PAK1: variants seen among roughly 807,000 people sequenced by gnomAD.
PAK1 encodes serine/threonine-protein kinase PAK 1.
In PAK1, 29 loss-of-function variants were observed where a neutral mutation model predicts 67.4. The observed-to-expected ratio is 0.43, with a 90% CI of 0.32 to 0.59. The LOEUF (loss-of-function observed/expected upper bound fraction) is 0.59, where lower values mean the gene tolerates loss of function less well. Among genes scored for constraint, PAK1 ranks in the 20% least tolerant of loss-of-function variants. PAK1 has a pLI of 0.07. For synonymous variants in PAK1, 223 were observed against 237.4 expected, an observed-to-expected ratio of 0.94 and a Z score of 0.56; for missense variants, 337 against 670.7, an observed-to-expected ratio of 0.50 and a Z score of 5.50.
intron 1 of PAK1, among the ~76,000 whole-genome samples, chr11:77,418,618 T>G (rs1374586728): frequency 6.6e-6 from 1 of 152,232 alleles, no homozygotes; most frequent in African/African-American, 2.4e-5. Flanking sequence ...AGAACTTCAT[T>G]GTCTTCCTCT....
intron 14 of PAK1, among the ~76,000 whole-genome samples, chr11:77,324,172 C>CATTT: frequency 7.8e-6 from 1 of 127,462 alleles, no homozygotes; most frequent in East Asian, 2.3e-4. Context: ...AAAGCAATTC[C>CATTT]TTTTTTTTTT....
intron 1 of PAK1, among the ~76,000 whole-genome samples, chr11:77,461,568 G>C (rs1350413384): frequency 6.6e-6 from 1 of 152,134 alleles, no homozygotes; most frequent in South Asian, 2.1e-4. Flanking sequence ...GAAGACTAAA[G>C]AGTAACATGC....
chr11:77,335,289 A>G (rs140991168), intron 13 of PAK1, among the ~76,000 whole-genome samples: 367 of 152,268 alleles, frequency 2.4e-3, no homozygotes, highest in African/African-American at 8.4e-3. Flanking sequence ...TATAGTCCTG[A>G]CTTCTCACCC....
chr11:77,486,479 A>G, the PAK1 span, among the ~76,000 whole-genome samples: 5 of 152,228 alleles, frequency 3.3e-5, no homozygotes, highest in Non-Finnish European at 7.3e-5. Flanking sequence ...ACCAAAAATC[A>G]GGTGAGTAAT....
In PAK1 at chr11:77,354,289, G is replaced by C. The variant is rs547779671; in HGVS notation, c.773-690C>G. Reference sequence around the variant, plus strand: ...GGTCACACAGCAAATTGGTGTCAGAGCTAAGATTAGGAGTTTCATTTTTAG... The same window carrying C: ...GGTCACACAGCAAATTGGTGTCAGACCTAAGATTAGGAGTTTCATTTTTAG... On this transcript the variant is annotated intron_variant, in intron 7 of 14. Coordinates refer to ENST00000356341, the MANE Select transcript of PAK1 (RefSeq NM_002576.5). Among the ~76,000 whole-genome samples, 3 of 152,264 alleles carry C rather than the reference G, an allele frequency of 2.0e-5. No homozygotes were observed. In the South Asian group the frequency reaches 6.2e-4, roughly 32 times the overall value.
chr11:77,419,921 T>C (rs192872311), intron 1 of PAK1, among the ~76,000 whole-genome samples: 2 of 152,178 alleles, frequency 1.3e-5, no homozygotes, highest in Admixed American at 1.3e-4. Context: ...TAAATAATAA[T>C]AGTAGCTTAC....
chr11:77,468,064 G>T (rs1331599828), intron 1 of PAK1, among the ~76,000 whole-genome samples: 1 of 152,140 alleles, frequency 6.6e-6, no homozygotes, highest in East Asian at 1.9e-4. Context: ...AGATTCAAAA[G>T]GCAGATTCTA....
chr11:77,405,906 AT>A (rs1442549581), intron 1 of PAK1, among the ~76,000 whole-genome samples: 1 of 152,134 alleles, frequency 6.6e-6, no homozygotes, highest in African/African-American at 2.4e-5. Flanking sequence ...GCCAAATCAA[AT>A]CCTTATTTTT....
In PAK1 at chr11:77,332,676, G is replaced by A. The variant is rs1039454013; in HGVS notation, c.1551+54C>T. Reference sequence around the variant, plus strand: ...TACCTTACAAACATGAAGTAAAAAAGGCCTGGTTTAGTGATTCCCTGAATT... The same window carrying A: ...TACCTTACAAACATGAAGTAAAAAAAGCCTGGTTTAGTGATTCCCTGAATT... On this transcript the variant is annotated intron_variant, in intron 14 of 14. Transcript: ENST00000356341. 1.0e-5 allele frequency: 15 copies of A among 1,485,556 alleles called. No individual in the cohort carries two copies. The African/African-American group carries it at 1.8e-4, about 18-fold the overall frequency. The allele number at this position is 1,485,556 out of a possible 1,614,324, so 92.0% of individuals were successfully genotyped here.
intron 1 of PAK1, among the ~76,000 whole-genome samples, chr11:77,393,025 T>C (rs539288808): frequency 1.3e-5 from 2 of 152,260 alleles, no homozygotes; most frequent in African/African-American, 4.8e-5. Flanking sequence ...ATGGACTGTA[T>C]CAAGGGTCAG....
At chr11:77,516,762 A>G in the PAK1 span, among the ~76,000 whole-genome samples, 4 of 148,540 alleles carry the variant, frequency 2.7e-5, no homozygotes, top group Admixed American at 1.4e-4. Flanking sequence ...TTAGCCCTTG[A>G]GAGGCTGAGG....
intron 14 of PAK1, among the ~76,000 whole-genome samples, chr11:77,328,650 G>T (rs370728388): frequency 1.3e-5 from 2 of 152,150 alleles, no homozygotes; most frequent in Admixed American, 1.3e-4. Context: ...AGAGGGAAAT[G>T]TATAGCACTA....
rs530195039 is a variant in PAK1 at position 77,452,654 on chromosome 11, C to T, written c.-22+20898G>A. Among the ~76,000 whole-genome samples the T allele has an allele frequency of 4.6e-5, 7 of 152,130 alleles. No homozygotes were observed. The South Asian group carries it at 1.0e-3, about 23-fold the overall frequency. On this transcript the variant is annotated intron_variant, in intron 1 of 14. Transcript: ENST00000356341. ...AAAGACTGGTTATTTACAGTATAGA[C>T]GAAGGTGGAAAATGCTCAGCACCAA...
At chr11:77,468,133 G>C (rs1354729078) in intron 1 of PAK1, among the ~76,000 whole-genome samples, 1 of 152,184 alleles carries the variant, frequency 6.6e-6, no homozygotes, top group Non-Finnish European at 1.5e-5. Context: ...AAAGGGAAAG[G>C]GATATTGGAG....
At chr11:77,451,890 C>T (rs925654411) in intron 1 of PAK1, among the ~76,000 whole-genome samples, 10 of 142,714 alleles carry the variant, frequency 7.0e-5, no homozygotes, top group Non-Finnish European at 1.1e-4. Context: ...TGAGCCACCA[C>T]GCCCGACCTC....
chr11:77,338,417 C>T (rs985187372), intron 11 of PAK1, among the ~76,000 whole-genome samples: 6 of 152,120 alleles, frequency 3.9e-5, no homozygotes, highest in African/African-American at 1.4e-4. Context: ...AAGAGCTGCT[C>T]TTCTTAGAAG....
the PAK1 span, among the ~76,000 whole-genome samples, chr11:77,482,556 C>A: frequency 6.6e-6 from 1 of 151,702 alleles, no homozygotes; most frequent in Non-Finnish European, 1.5e-5. Flanking sequence ...AGTTTTTGTG[C>A]ATGTCTAAAA....
At chr11:77,382,298 T>C (rs1323392796) in intron 2 of PAK1, among the ~76,000 whole-genome samples, 1 of 152,110 alleles carries the variant, frequency 6.6e-6, no homozygotes, top group African/African-American at 2.4e-5. Context: ...ACACACAGGG[T>C]AATGCTAAAG....
At chr11:77,408,395 A>G (rs1295254044) in intron 1 of PAK1, among the ~76,000 whole-genome samples, 1 of 152,082 alleles carries the variant, frequency 6.6e-6, no homozygotes, top group Non-Finnish European at 1.5e-5. Context: ...CTCTAGCCTG[A>G]GCAAAACAGC....
Sources: allele counts gnomAD v4.1 joint callset (sites outside exome capture counted in the v4.1 genomes callset), GRCh38; gene constraint gnomAD v4.1.1; transcripts MANE v1.5; gene names NCBI Gene and HGNC (gene_info 2026-07-23, HGNC 2026-07-21).